Variants in FGF18 observed in about 807,000 individuals in gnomAD.
FGF18 encodes the protein fibroblast growth factor 18.
FGF18 carries 5 observed loss-of-function variants against 23.0 expected under a neutral mutation model. The ratio of observed to expected loss-of-function variants is 0.22; its 90% confidence interval spans 0.11 to 0.46. The LOEUF (loss-of-function observed/expected upper bound fraction) is 0.46, where lower values mean the gene tolerates loss of function less well. FGF18 is among the 20% of genes least tolerant of loss of function. FGF18 has a pLI of 0.99. For missense variants in FGF18, 180 were observed against 291.6 expected (o/e 0.62, Z 2.79); for synonymous variants, 117 against 118.9 (o/e 0.98, Z 0.10).
intron 4 of FGF18, among the ~76,000 whole-genome samples, chr5:171,455,849 G>A (rs1368089076): frequency 2.0e-5 from 3 of 152,210 alleles, no homozygotes; most frequent in Non-Finnish European, 4.4e-5. Flanking sequence ...ATGAAGTGGA[G>A]CCATTGGGCT....
At chr5:171,424,177 T>G (rs544973847) in intron 2 of FGF18, among the ~76,000 whole-genome samples, 6 of 152,340 alleles carry the variant, frequency 3.9e-5, no homozygotes, top group African/African-American at 1.4e-4. Flanking sequence ...AGTCAGTCCC[T>G]GGCCTCCAAG....
Position 171,436,353 on chromosome 5 carries a change from C to A in FGF18, c.250+80C>A. 3 of 1,171,500 alleles carry A rather than the reference C, an allele frequency of 2.6e-6. No homozygotes were observed. Among genetic ancestry groups the A allele is most frequent in the Non-Finnish European group, 3.4e-6 (3 of 878,160 alleles). 72.6% of individuals were successfully genotyped at this position (1,171,500 alleles called of 1,614,324 possible). On this transcript the variant is annotated intron_variant, in intron 3 of 4. Coordinates refer to ENST00000274625, the MANE Select transcript of FGF18 (RefSeq NM_003862.3). This position sits in a 1 kb window ranked among gnomAD's most constrained non-coding sequence, Gnocchi z 4.4. The stretch of plus-strand genomic sequence containing the variant: ...GCCTCAGAGACCTCAAGTTCAAATG[C>A]CAGCCTTGCTGCTCCTGGCTGTGTG...
intron 2 of FGF18, among the ~76,000 whole-genome samples, chr5:171,428,048 A>G (rs1305033411): frequency 6.6e-6 from 1 of 152,184 alleles, no homozygotes; most frequent in Non-Finnish European, 1.5e-5. Flanking sequence ...CACTTGGCAT[A>G]GCGCCTGGCT....
At chr5:171,454,132 AAG>A in intron 4 of FGF18, among the ~76,000 whole-genome samples, 1 of 152,116 alleles carries the variant, frequency 6.6e-6, no homozygotes, top group African/African-American at 2.4e-5. Context: ...TGAGCCCATT[AAG>A]GCTTGACGCT....
Position 171,436,538 on chromosome 5 carries a change from T to C in FGF18, c.250+265T>C, listed in dbSNP as rs1772249314. 6.6e-6 allele frequency among the ~76,000 whole-genome samples: 1 copy of C among 152,216 alleles called. No individual in the cohort carries two copies. Among genetic ancestry groups the C allele is most frequent in the Non-Finnish European group, 1.5e-5 (1 of 68,048 alleles). On this transcript the variant is annotated intron_variant, in intron 3 of 4. Transcript: ENST00000274625. This position sits in a 1 kb window ranked among gnomAD's most constrained non-coding sequence, Gnocchi z 4.4. ...GCCCCATAAGTCGCATTTGCTGTGGTATCAGTGGCTTGCCTGGGATGGCCT... is the reference window on the plus strand; with the variant it reads ...GCCCCATAAGTCGCATTTGCTGTGGCATCAGTGGCTTGCCTGGGATGGCCT...
chr5:171,456,589 C>A lies in FGF18; in HGVS notation c.408C>A (p.Asn136Lys). The change falls in exon 5 of 5, where the codon AAC becomes AAA. Residue 136 changes from asparagine (N) to lysine (K), a missense_variant. By Grantham distance (94) the Asn-to-Lys change is moderately conservative. Around this residue, in one of 3 missense-constraint regions of FGF18, gnomAD observed 83 missense variants for 190.4 expected, o/e 0.44. Transcript: ENST00000274625. This position sits in a 1 kb window ranked among gnomAD's most constrained non-coding sequence, Gnocchi z 6.1. The stretch of plus-strand genomic sequence containing the variant: ...TGTTCATCGAGAAGGTTCTGGAGAA[C>A]AACTACACGGCCCTGATGTCGGCTA... The part of the protein sequence containing the change: ...ECVFIEKVLE[N>K]NYTALMSAKY... The A allele has an allele frequency of 6.2e-7, 1 of 1,614,132 alleles. No individual in the cohort carries two copies. The highest frequency in any genetic ancestry group is 8.5e-7 in the Non-Finnish European group (1 of 1,180,040).
At chr5:171,449,419 G>C (rs1772465725) in intron 4 of FGF18, among the ~76,000 whole-genome samples, 166 bp downstream of exon 4, 1 of 150,304 alleles carries the variant, frequency 6.7e-6, no homozygotes, top group Non-Finnish European at 1.5e-5. Flanking sequence ...GAGAGAGAGA[G>C]AGAGACAGGA....
chr5:171,445,657 C>A (rs1046095235), intron 3 of FGF18, among the ~76,000 whole-genome samples: 1 of 152,038 alleles, frequency 6.6e-6, no homozygotes, highest in Non-Finnish European at 1.5e-5. Flanking sequence ...TGAGCCACAG[C>A]GCCTGGCAAA....
chr5:171,427,618 G>A (rs1175483563), intron 2 of FGF18, among the ~76,000 whole-genome samples: 2 of 152,208 alleles, frequency 1.3e-5, no homozygotes, highest in Non-Finnish European at 2.9e-5. Context: ...TTGATGACTA[G>A]CTATGTAGTA....
chr5:171,449,521 C>T (rs1772467606), intron 4 of FGF18, among the ~76,000 whole-genome samples: 1 of 151,986 alleles, frequency 6.6e-6, no homozygotes, highest in African/African-American at 2.4e-5. Context: ...GCTGAGGTAT[C>T]CATGGCTGTG....
intron 4 of FGF18, among the ~76,000 whole-genome samples, chr5:171,453,592 A>G (rs1198131307): frequency 6.6e-6 from 1 of 152,154 alleles, no homozygotes; most frequent in Non-Finnish European, 1.5e-5. Flanking sequence ...CAGCTCTGCC[A>G]CTTAGAATCT....
At chr5:171,426,567 A>G (rs1772092000) in intron 2 of FGF18, among the ~76,000 whole-genome samples, 1 of 152,162 alleles carries the variant, frequency 6.6e-6, no homozygotes, top group Admixed American at 6.5e-5. Flanking sequence ...GTTTGCTCTG[A>G]CGTCTCAGTG....
chr5:171,444,068 C>A (rs5005937), intron 3 of FGF18, among the ~76,000 whole-genome samples: 48 of 151,846 alleles, frequency 3.2e-4, no homozygotes, highest in African/African-American at 1.1e-3. Flanking sequence ...TTCCCATCTC[C>A]CGGTATCAAA....
chr5:171,442,519 C>T (rs935937626), intron 3 of FGF18, among the ~76,000 whole-genome samples: 4 of 152,196 alleles, frequency 2.6e-5, no homozygotes, highest in South Asian at 2.1e-4. Context: ...GTCCAGCCCT[C>T]GCAGGGCCCC....
At chr5:171,435,369 C>T (rs754088409) in intron 2 of FGF18, among the ~76,000 whole-genome samples, 6 of 152,050 alleles carry the variant, frequency 3.9e-5, no homozygotes, top group African/African-American at 4.8e-5. Context: ...AAGATGAGCA[C>T]GATATGTGTT....
intron 4 of FGF18, among the ~76,000 whole-genome samples, chr5:171,452,177 C>T (rs1048400725): frequency 1.8e-4 from 28 of 152,352 alleles, no homozygotes; most frequent in African/African-American, 6.3e-4. Context: ...GCCTCAGCGT[C>T]GTCATCTGTA....
chr5:171,427,200 A>G (rs1335869770), intron 2 of FGF18, among the ~76,000 whole-genome samples: 4 of 150,560 alleles, frequency 2.7e-5, no homozygotes, highest in Admixed American at 1.3e-4. Context: ...GCGACGCTCC[A>G]TCTGGGAAAA....
chr5:171,433,647 A>C (rs1373361251), intron 2 of FGF18, among the ~76,000 whole-genome samples: 3 of 152,140 alleles, frequency 2.0e-5, no homozygotes, highest in Admixed American at 6.5e-5. Flanking sequence ...GGCTGGGGGA[A>C]GTGAAGAGGA....
intron 4 of FGF18, among the ~76,000 whole-genome samples, chr5:171,452,208 G>T (rs960782130): frequency 2.0e-5 from 3 of 152,198 alleles, no homozygotes; most frequent in African/African-American, 7.2e-5. Flanking sequence ...GATAATCTGG[G>T]CACTTAGTAA....
Sources: gnomAD v4.1 joint callset for allele counts (sites outside exome capture counted in the v4.1 genomes callset) on GRCh38, gnomAD v4.1.1 for gene constraint, gnomAD v4.1.1 regional missense constraint, Gnocchi (gnomAD v3.1) non-coding constraint, MANE v1.5 for transcripts, NCBI Gene and HGNC (gene_info 2026-07-23, HGNC 2026-07-21) for gene names.